Variants in CLUH observed in about 807,000 individuals in gnomAD.
The protein encoded by CLUH is CLUH binding protein of NUMT mRNA.
A neutral mutation model predicts 139.3 loss-of-function variants in CLUH; 77 were observed. The observed-to-expected ratio is 0.55, with a 90% CI of 0.46 to 0.67. CLUH has a LOEUF of 0.67. CLUH is among the 30% of genes least tolerant of loss of function. The probability of loss-of-function intolerance (pLI) is 0.00; values close to 1 mark genes in which losing one functional copy is unlikely to be tolerated. For missense variants in CLUH, 1,876 were observed against 1,875.8 expected (o/e 1.00, Z 0.00); for synonymous variants, 999 against 801.6 (o/e 1.25, Z -4.16).
In CLUH at chr17:2,703,200, G is replaced by A; in HGVS notation, c.475+118C>T. Reference sequence around the variant, plus strand: ...GTGCTGGCCTGAGAAGCAGATCTGTGCTCCAATCCTGCCTCCATGAGCTCA... The same window carrying A: ...GTGCTGGCCTGAGAAGCAGATCTGTACTCCAATCCTGCCTCCATGAGCTCA... On this transcript the variant is annotated intron_variant, in intron 3 of 25. Transcript: ENST00000651024. This position sits in a 1 kb window ranked among gnomAD's most constrained non-coding sequence, Gnocchi z 4.2. 2 of 1,069,126 alleles carry A rather than the reference G, an allele frequency of 1.9e-6. No homozygotes were observed. Among genetic ancestry groups the A allele is most frequent in the Non-Finnish European group, 2.7e-6 (2 of 743,562 alleles). The allele number at this position is 1,069,126 out of a possible 1,614,324, so 66.2% of individuals were successfully genotyped here.
In CLUH at chr17:2,690,503, T is replaced by C. The variant is rs1255826578; in HGVS notation, c.*91A>G. The C allele has an allele frequency of 1.7e-6, 2 of 1,178,802 alleles. No individual in the cohort carries two copies. The highest frequency in any genetic ancestry group is 3.2e-5 in the African/African-American group (2 of 62,110). The allele number at this position is 1,178,802 out of a possible 1,614,324, so 73.0% of individuals were successfully genotyped here. A position where few individuals can be genotyped will look rare whatever the true frequency, so the allele number is the denominator to read the frequency against. On this transcript the variant is annotated 3_prime_UTR_variant, in exon 26 of 26. Coordinates refer to ENST00000651024, the MANE Select transcript of CLUH (RefSeq NM_001366661.1). ...GAGACGTGGAGGAAGAGGGCCTTGC[T>C]TCCTCTTCCGCCCGCAGGCTCGCCC...
chr17:2,691,750 C>T lies in CLUH; in HGVS notation c.3789+11G>A. The T allele has an allele frequency of 6.3e-7, 1 of 1,596,692 alleles. No homozygotes were observed. Among genetic ancestry groups the T allele is most frequent in the Non-Finnish European group, 8.5e-7 (1 of 1,172,202 alleles). On this transcript the variant is annotated intron_variant, in intron 24 of 25. Coordinates refer to ENST00000651024, the MANE Select transcript of CLUH (RefSeq NM_001366661.1). ...CGCCGGGCCGGAGGGGCCGCTCCGC[C>T]CCGGACTCACCTTGAGGGGCGGGAT...
intron 16 of CLUH, 100 bp downstream of exon 16, chr17:2,694,757 C>T: frequency 7.0e-7 from 1 of 1,420,100 alleles, no homozygotes; most frequent in South Asian, 1.5e-5. Flanking sequence ...CTCTGACTCC[C>T]TGGCCTATGA....
intron 25 of CLUH, 33 bp from the exon 26 acceptor site, chr17:2,690,810 C>T (rs759650147): frequency 3.4e-6 from 5 of 1,451,944 alleles, no homozygotes; most frequent in Non-Finnish European, 4.5e-6. Flanking sequence ...AGGTGGCTCT[C>T]AGAGGAGTCC....
rs778697125 is a variant in CLUH at position 2,694,001 on chromosome 17, G to C, written c.3130C>G (p.Leu1044Val). ...KEGCELINEALNLFNNVYGAM... is the reference protein window; with the variant it reads ...KEGCELINEAVNLFNNVYGAM... The stretch of plus-strand genomic sequence containing the variant: ...CCGTAGACGTTGTTAAACAGGTTCA[G>C]GGCCTCATTGATGAGCTCACAGCCC... Residue 1044 changes from leucine (L) to valine (V), a missense_variant, in exon 19 of 26, where the codon CTG (leucine) becomes GTG (valine). Leu to Val is a conservative substitution (Grantham distance 32). Coordinates refer to ENST00000651024, the MANE Select transcript of CLUH (RefSeq NM_001366661.1). 40 of 1,613,822 alleles carry C rather than the reference G, an allele frequency of 2.5e-5. 1 individual carries two copies. The Middle Eastern group carries it at 8.2e-4, about 33-fold the overall frequency.
Position 2,690,718 on chromosome 17 carries a change from G to A in CLUH, c.3923C>T (p.Ala1308Val), listed in dbSNP as rs776708713. 1.3e-6 allele frequency: 2 copies of A among 1,557,866 alleles called. No homozygotes were observed. The highest frequency in any genetic ancestry group is 1.7e-6 in the Non-Finnish European group (2 of 1,159,666). ...CTCGGCTCTATCCCTGTTTCTGCTG[G>A]CCTCCTGGAGCTGGTGCCGCCGCGC... The part of the protein sequence containing the change: ...EVARRHQLQE[A>V]SRNRDRAEEP... The change falls in exon 26 of 26, where the codon GCC (alanine) becomes GTC (valine). Residue 1308 changes from alanine (A) to valine (V), a missense_variant. This residue lies in a region of CLUH where 1,454 missense variants were observed against 1,384.4 expected (regional missense o/e 1.05). Coordinates refer to ENST00000651024, the MANE Select transcript of CLUH (RefSeq NM_001366661.1).
At chr17:2,692,209 G>A in intron 22 of CLUH, 112 bp from the exon 23 acceptor site, 2 of 1,443,438 alleles carry the variant, frequency 1.4e-6, no homozygotes, top group Admixed American at 2.1e-5. Context: ...GCCACCGAGG[G>A]GAACAGCAAG....
chr17:2,704,284 C>T lies in CLUH; in HGVS notation c.303+78G>A, dbSNP rs973484159. Reference sequence around the variant, plus strand: ...CCACAAAATGGGGCCGGTAGGAGCACGAGCAAGGCTGAGCTTTCCAGCTCA... The same window carrying T: ...CCACAAAATGGGGCCGGTAGGAGCATGAGCAAGGCTGAGCTTTCCAGCTCA... On this transcript the variant is annotated intron_variant, in intron 2 of 25. Coordinates refer to ENST00000651024, the MANE Select transcript of CLUH (RefSeq NM_001366661.1). The surrounding 1 kb of genome is among the most constrained non-coding windows in gnomAD (Gnocchi z 5.7). 16 of 1,462,706 alleles carry T rather than the reference C, an allele frequency of 1.1e-5. No individual in the cohort carries two copies. The highest frequency in any genetic ancestry group is 4.1e-5 in the Admixed American group (2 of 48,812). The allele number at this position is 1,462,706 out of a possible 1,614,324, so 90.6% of individuals were successfully genotyped here.
chr17:2,694,318 G>A lies in CLUH; in HGVS notation c.2938-42C>T, dbSNP rs2069838776. 4 of 1,552,736 alleles carry A rather than the reference G, an allele frequency of 2.6e-6. No individual in the cohort carries two copies. In the East Asian group the frequency reaches 6.8e-5, roughly 27 times the overall value. On this transcript the variant is annotated intron_variant, in intron 17 of 25. Transcript: ENST00000651024. ...CCACCACAGGAAGCCTCAGGCCCAG[G>A]TTCAGCGGGTTGGCACCTCCCAACC...
Position 2,707,092 on chromosome 17 carries a change from G to A in CLUH, c.101-2528C>T, listed in dbSNP as rs1238941777. 23 of 835,276 alleles carry A rather than the reference G, an allele frequency of 2.8e-5. No homozygotes were observed. Among genetic ancestry groups the A allele is most frequent in the South Asian group, 1.6e-4 (3 of 18,386 alleles). The allele number at this position is 835,276 out of a possible 1,614,324, so 51.7% of individuals were successfully genotyped here. A position where few individuals can be genotyped will look rare whatever the true frequency, so the allele number is the denominator to read the frequency against. On this transcript the variant is annotated intron_variant, in intron 1 of 25. Transcript: ENST00000651024. The surrounding 1 kb of genome is among the most constrained non-coding windows in gnomAD (Gnocchi z 7.4). ...CCTAATCCTTCCTCCTAGGAACCCC[G>A]AAGGTCTCCCCACCCCTGGATGAAG...
Position 2,695,006 on chromosome 17 carries a change from G to A in CLUH, c.2703C>T (p.Asp901=), listed in dbSNP as rs1327166005. The stretch of plus-strand genomic sequence containing the variant: ...TATTCCGCTTCTTGGAGACCAGCTC[G>A]TCGGCGGGCAGGTGGGCCACGGGGT... ...YPNPVAHLPA[D]ELVSKKRNKR... The change falls in exon 16 of 26, where the codon GAC becomes GAT. Residue 901 remains aspartate (D), a synonymous_variant. Coordinates refer to ENST00000651024, the MANE Select transcript of CLUH (RefSeq NM_001366661.1). 3.1e-6 allele frequency: 5 copies of A among 1,613,536 alleles called. No individual in the cohort carries two copies. Among genetic ancestry groups the A allele is most frequent in the African/African-American group, 1.3e-5 (1 of 74,932 alleles).
chr17:2,698,668 T>C (rs1309608804), intron 9 of CLUH, 78 bp from the exon 10 acceptor site: 18 of 1,352,308 alleles, frequency 1.3e-5, no homozygotes, highest in Non-Finnish European at 1.8e-5. Flanking sequence ...CGCACGCACC[T>C]AGACCGCGGA....
chr17:2,690,559 G>T lies in CLUH; in HGVS notation c.*35C>A. ...TCCCGCAGTCGGGCTCCCTGGTGAC[G>T]GGGCCGCTGGCTGGCTGTCCGTCTG... On this transcript the variant is annotated 3_prime_UTR_variant, in exon 26 of 26. Transcript: ENST00000651024. The T allele has an allele frequency of 7.1e-7, 1 of 1,415,762 alleles. No individual in the cohort carries two copies. The highest frequency in any genetic ancestry group is 9.3e-7 in the Non-Finnish European group (1 of 1,080,646). 87.7% of individuals were successfully genotyped at this position (1,415,762 alleles called of 1,614,324 possible).
rs771924837 is a variant in CLUH, at chr17:2,701,394, C to T, written c.871G>A (p.Ala291Thr). 10 of 1,609,692 alleles carry T rather than the reference C, an allele frequency of 6.2e-6. No individual in the cohort carries two copies. Among genetic ancestry groups the T allele is most frequent in the African/African-American group, 2.7e-5 (2 of 74,812 alleles). The change falls in exon 6 of 26, where the codon GCG becomes ACG. Residue 291 changes from alanine (A) to threonine (T), a missense_variant. Physicochemically the swap from Ala to Thr is moderately conservative, Grantham distance 58. Transcript: ENST00000651024. ...TTCAGGTAAAAGCCCCGTGTGGACG[C>T]GGTGATGCTGACTTGCCGGTCCTCG... The part of the protein sequence containing the change: ...TAEDRQVSIT[A>T]STRGFYLNQS...
chr17:2,707,933 G>A lies in CLUH; in HGVS notation c.101-3369C>T, dbSNP rs1032864825. On this transcript the variant is annotated intron_variant, in intron 1 of 25. Transcript: ENST00000651024. This position sits in a 1 kb window ranked among gnomAD's most constrained non-coding sequence, Gnocchi z 7.4. ...AGCTTCCCAGAGGACAACTGCACCC[G>A]TGCCCCTGGCCTCCAGGCTCCATCA... 62 of 985,298 alleles carry A rather than the reference G, an allele frequency of 6.3e-5. No homozygotes were observed. The highest frequency in any genetic ancestry group is 5.7e-4 in the East Asian group (5 of 8,816). 61.0% of individuals were successfully genotyped at this position (985,298 alleles called of 1,614,324 possible).
intron 9 of CLUH, 43 bp downstream of exon 9, chr17:2,700,339 G>A (rs1206613910): frequency 2.6e-6 from 4 of 1,555,794 alleles, no homozygotes; most frequent in East Asian, 2.3e-5. Flanking sequence ...TCAGCAGGTG[G>A]ACAGCGGGCC....
Position 2,707,834 on chromosome 17 carries a change from C to G in CLUH, c.101-3270G>C. 1.0e-6 allele frequency: 1 copy of G among 985,456 alleles called. No individual in the cohort carries two copies. The highest frequency in any genetic ancestry group is 1.2e-6 in the Non-Finnish European group (1 of 829,926). The allele number at this position is 985,456 out of a possible 1,614,324, so 61.0% of individuals were successfully genotyped here. On this transcript the variant is annotated intron_variant, in intron 1 of 25. Coordinates refer to ENST00000651024, the MANE Select transcript of CLUH (RefSeq NM_001366661.1). The surrounding 1 kb of genome is among the most constrained non-coding windows in gnomAD (Gnocchi z 7.4). ...CTGGGACCTCTGGCTCCTGCTGCCC[C>G]CTGCAGGTGACCTGGCTGCCAGCCC...
At chr17:2,695,940 T>A in intron 13 of CLUH, 1 of 594,402 alleles carries the variant, frequency 1.7e-6, no homozygotes, top group South Asian at 2.0e-5. Flanking sequence ...CTCAGAAGAC[T>A]GGATTACCAG....
intron 1 of CLUH, among the ~76,000 whole-genome samples, chr17:2,708,199 C>G (rs2070402752): frequency 6.6e-6 from 1 of 152,192 alleles, no homozygotes; most frequent in African/African-American, 2.4e-5. Flanking sequence ...CTCACTCCAT[C>G]CCCTCCCCTC....
Sources: gnomAD v4.1 joint callset for allele counts (sites outside exome capture counted in the v4.1 genomes callset) on GRCh38, gnomAD v4.1.1 for gene constraint, gnomAD v4.1.1 regional missense constraint, Gnocchi (gnomAD v3.1) non-coding constraint, MANE v1.5 for transcripts, NCBI Gene and HGNC (gene_info 2026-07-23, HGNC 2026-07-21) for gene names.